The following UNC13C variants were observed in gnomAD, a reference collection of about 807,000 sequenced individuals.
UNC13C encodes unc-13 homolog C.
Under a neutral mutation model 245.4 loss-of-function variants are expected in UNC13C, and 174 were observed. That is an observed-to-expected ratio of 0.71 (90% CI 0.63 to 0.80). The LOEUF is 0.80. Among genes scored for constraint, UNC13C ranks in the 30% least tolerant of loss-of-function variants. The pLI, the probability that UNC13C is intolerant of heterozygous loss-of-function variation, is 0.00. For missense variants in UNC13C, 2,829 were observed against 2,602.9 expected (o/e 1.09, Z -1.89); for synonymous variants, 992 against 895.1 (o/e 1.11, Z -1.93).
rs940286039 is a variant in UNC13C at position 54,601,473 on chromosome 15, AAT to A, written c.6107-20852_6107-20851del. On this transcript the variant is annotated intron_variant, in intron 30 of 32. Coordinates refer to ENST00000260323, the MANE Select transcript of UNC13C (RefSeq NM_001080534.3). ...GGTTAGGGAGCTTTGGTAGGATCTG[AAT>A]AGTTACCAATACACAGAAGAAAAGA... Among the ~76,000 whole-genome samples, 35 of 152,332 alleles carry A rather than the reference AAT, an allele frequency of 2.3e-4. 1 individual carries two copies. The highest frequency in any genetic ancestry group is 7.9e-4 in the African/African-American group (33 of 41,578).
At chr15:53,934,911 C>A in the UNC13C span, among the ~76,000 whole-genome samples, 1 of 152,104 alleles carries the variant, frequency 6.6e-6, no homozygotes, top group Non-Finnish European at 1.5e-5. Flanking sequence ...TTCCAAAGGT[C>A]CCACATCCTA....
chr15:54,203,781 CAT>C (rs925164845), intron 4 of UNC13C, among the ~76,000 whole-genome samples: 22 of 104,138 alleles, frequency 2.1e-4, no homozygotes, highest in African/African-American at 4.9e-4. Context: ...TATACACACA[CAT>C]ATAGATATAC....
chr15:54,153,290 TA>T (rs2032605813), intron 4 of UNC13C, among the ~76,000 whole-genome samples: 1 of 151,574 alleles, frequency 6.6e-6, no homozygotes, highest in Non-Finnish European at 1.5e-5. Flanking sequence ...AGATGTCATT[TA>T]AAAATGGTAT....
chr15:54,483,002 C>T (rs885203), intron 19 of UNC13C, among the ~76,000 whole-genome samples: 62,794 of 151,936 alleles, frequency 0.41, 13,257 homozygotes, highest in East Asian at 0.63. Context: ...GTCAGAAGTG[C>T]TCTAAACATT....
intron 16 of UNC13C, among the ~76,000 whole-genome samples, chr15:54,335,756 T>C (rs971413141): frequency 2.0e-5 from 3 of 152,196 alleles, no homozygotes; most frequent in African/African-American, 7.2e-5. Context: ...GATTTATCCA[T>C]TCCCTCATTG....
rs143718147 is a variant in UNC13C, at chr15:54,548,070, C to G, written c.5820+1225C>G. On this transcript the variant is annotated intron_variant, in intron 27 of 32. Transcript: ENST00000260323. The stretch of plus-strand genomic sequence containing the variant: ...AGTAACTGTACATCATGGGTTCCCT[C>G]TCTGGAAAACTGAAGCTTGCATGAC... Among the ~76,000 whole-genome samples, 548 of 152,252 alleles carry G rather than the reference C, an allele frequency of 3.6e-3. 2 individuals carry two copies. Among genetic ancestry groups the G allele is most frequent in the Non-Finnish European group, 5.9e-3 (399 of 68,018 alleles).
At chr15:54,329,892 T>C (rs7177937) in intron 14 of UNC13C, among the ~76,000 whole-genome samples, 101,718 of 151,872 alleles carry the variant, frequency 0.67, 34,727 homozygotes, top group African/African-American at 0.75. Flanking sequence ...CAGAAACTCA[T>C]GAAATACATT....
rs1484083041 is a variant in UNC13C at position 54,627,206 on chromosome 15, A to G, written c.*93A>G. ...GGAATGTTTAGTTCACTACATTTCA[A>G]TGTTTGCCAGTACTCATGTACGATG... On this transcript the variant is annotated 3_prime_UTR_variant, in exon 33 of 33. Transcript: ENST00000260323. 2.6e-5 allele frequency: 34 copies of G among 1,299,732 alleles called. No homozygotes were observed. Among genetic ancestry groups the G allele is most frequent in the African/African-American group, 1.8e-4 (12 of 67,616 alleles). The allele number at this position is 1,299,732 out of a possible 1,614,324, so 80.5% of individuals were successfully genotyped here. A position where few individuals can be genotyped will look rare whatever the true frequency, so the allele number is the denominator to read the frequency against.
chr15:53,905,765 T>A, the UNC13C span, among the ~76,000 whole-genome samples: 1 of 151,920 alleles, frequency 6.6e-6, no homozygotes, highest in Non-Finnish European at 1.5e-5. Flanking sequence ...GGATCTTAAA[T>A]GTTCTCACCA....
intron 17 of UNC13C, among the ~76,000 whole-genome samples, chr15:54,363,190 C>T (rs1324751701): frequency 6.6e-6 from 1 of 152,198 alleles, no homozygotes; most frequent in Non-Finnish European, 1.5e-5. Flanking sequence ...CTCACTGCAA[C>T]CTCTGCCTCC....
At chr15:54,387,410 C>G (rs1386597826) in intron 17 of UNC13C, among the ~76,000 whole-genome samples, 1 of 152,102 alleles carries the variant, frequency 6.6e-6, no homozygotes, top group African/African-American at 2.4e-5. Context: ...TGTCATGGTG[C>G]TACTGGGAGT....
At chr15:54,202,061 AC>A (rs138925732) in intron 4 of UNC13C, among the ~76,000 whole-genome samples, 8,009 of 151,542 alleles carry the variant, frequency 0.053, 257 homozygotes, top group East Asian at 0.098. Context: ...AACCCCTTTC[AC>A]AGTAGCTGCA....
At chr15:54,299,726 G>C (rs76707871) in intron 12 of UNC13C, among the ~76,000 whole-genome samples, 3,734 of 152,158 alleles carry the variant, frequency 0.025, 91 homozygotes, top group Admixed American at 0.08. Flanking sequence ...ATTTGCATCA[G>C]GGAGTCACCA....
intron 2 of UNC13C, among the ~76,000 whole-genome samples, chr15:54,058,459 G>T (rs1026394356): frequency 2.6e-5 from 4 of 152,172 alleles, no homozygotes; most frequent in Non-Finnish European, 5.9e-5. Context: ...CTGAAATTGA[G>T]GCAATAATTA....
intron 9 of UNC13C, 112 bp downstream of exon 9, chr15:54,264,507 T>A: frequency 1.2e-6 from 1 of 860,948 alleles, no homozygotes; most frequent in Non-Finnish European, 1.8e-6. Flanking sequence ...TTTTGAATCA[T>A]GTTAATATGA....
the UNC13C span, among the ~76,000 whole-genome samples, chr15:53,941,513 A>G: frequency 6.6e-6 from 1 of 152,184 alleles, no homozygotes; most frequent in Non-Finnish European, 1.5e-5. Context: ...GACCACCTAC[A>G]TAATGGGAGA....
rs187934121 is a variant in UNC13C at position 54,040,049 on chromosome 15, C to T, written c.2983+24163C>T. Among the ~76,000 whole-genome samples, 6 of 152,060 alleles carry T rather than the reference C, an allele frequency of 3.9e-5. No homozygotes were observed. In the East Asian group the frequency reaches 5.8e-4, roughly 15 times the overall value. On this transcript the variant is annotated intron_variant, in intron 2 of 32. Transcript: ENST00000260323. Reference sequence around the variant, plus strand: ...GCCAAACCCCTTACTGTGGCCTTTACGCTCTTTCCTCATTACCTCTCCAAG... The same window carrying T: ...GCCAAACCCCTTACTGTGGCCTTTATGCTCTTTCCTCATTACCTCTCCAAG...
intron 4 of UNC13C, among the ~76,000 whole-genome samples, chr15:54,221,467 C>T (rs58702897): frequency 0.013 from 1,961 of 150,952 alleles, 45 homozygotes; most frequent in African/African-American, 0.046. Context: ...TAATAGTCAT[C>T]AGGAAAATTA....
At chr15:54,126,630 A>G (rs937274913) in intron 2 of UNC13C, among the ~76,000 whole-genome samples, 1 of 152,194 alleles carries the variant, frequency 6.6e-6, no homozygotes, top group South Asian at 2.1e-4. Flanking sequence ...AGGCAATACC[A>G]TTCAGGATAT....
Sources: gnomAD v4.1 joint callset for allele counts (sites outside exome capture counted in the v4.1 genomes callset) on GRCh38, gnomAD v4.1.1 for gene constraint, MANE v1.5 for transcripts, NCBI Gene and HGNC (gene_info 2026-07-23, HGNC 2026-07-21) for gene names.